The following PHACTR2 variants were observed in gnomAD, a reference collection of about 807,000 sequenced individuals.
PHACTR2 encodes the protein phosphatase and actin regulator 2.
In PHACTR2, 30 loss-of-function variants were observed where a neutral mutation model predicts 76.0. That is an observed-to-expected ratio of 0.39 (90% CI 0.30 to 0.54). PHACTR2 has a LOEUF of 0.54. Among genes scored for constraint, PHACTR2 ranks in the 20% least tolerant of loss-of-function variants. PHACTR2 has a pLI of 0.61. For synonymous variants in PHACTR2, 292 were observed against 292.5 expected (o/e 1.00, Z 0.02); for missense variants, 696 against 781.1 (o/e 0.89, Z 1.30).
chr6:143,673,984 G>A (rs1341608237), upstream of PHACTR2, among the ~76,000 whole-genome samples: 2 of 152,042 alleles, frequency 1.3e-5, no homozygotes, highest in African/African-American at 4.8e-5. Context: ...TGTGGAATGT[G>A]GTCTTCTACT....
At chr6:143,718,655 A>G (rs1470256973) in intron 2 of PHACTR2, among the ~76,000 whole-genome samples, 3 of 152,214 alleles carry the variant, frequency 2.0e-5, no homozygotes, top group African/African-American at 7.2e-5. Context: ...GTTGGCAAGG[A>G]TCAAAGTTAT....
chr6:143,687,765 G>A (rs917385807), intron 1 of PHACTR2, among the ~76,000 whole-genome samples: 1 of 152,160 alleles, frequency 6.6e-6, no homozygotes, highest in South Asian at 2.1e-4. Context: ...GCCAAGGAAG[G>A]ACTGAAGTGC....
chr6:143,729,985 G>A (rs1778664938), intron 2 of PHACTR2, among the ~76,000 whole-genome samples: 7 of 152,048 alleles, frequency 4.6e-5, no homozygotes, highest in Admixed American at 4.6e-4. Context: ...CAACATATAT[G>A]TGGTCTATTT....
At chr6:143,620,226 T>C (rs577766102) in intron 1 of PHACTR2, among the ~76,000 whole-genome samples, 1 of 152,278 alleles carries the variant, frequency 6.6e-6, no homozygotes, top group South Asian at 2.1e-4. Context: ...TGTCAGTCTT[T>C]TTGTCACAGC....
chr6:143,573,651 T>G (rs1268119581), intron 1 of PHACTR2, among the ~76,000 whole-genome samples: 1 of 152,228 alleles, frequency 6.6e-6, no homozygotes, highest in African/African-American at 2.4e-5. Context: ...AACAGATCTT[T>G]TTCTGTGCAT....
intron 1 of PHACTR2, among the ~76,000 whole-genome samples, chr6:143,644,020 G>A (rs576678727): frequency 5.9e-5 from 9 of 152,052 alleles, no homozygotes; most frequent in South Asian, 2.1e-4. Flanking sequence ...TATTTTTCTC[G>A]TTAAAAAAGT....
In PHACTR2 at chr6:143,760,736, G is replaced by A; in HGVS notation, c.694+96G>A. The A allele has an allele frequency of 7.2e-7, 1 of 1,384,906 alleles. No individual in the cohort carries two copies. Among genetic ancestry groups the A allele is most frequent in the South Asian group, 1.4e-5 (1 of 71,590 alleles). The allele number at this position is 1,384,906 out of a possible 1,614,324, so 85.8% of individuals were successfully genotyped here. A position where few individuals can be genotyped will look rare whatever the true frequency, so the allele number is the denominator to read the frequency against. The stretch of plus-strand genomic sequence containing the variant: ...CTTCTAGGTGTGATGGGCTTTTGGT[G>A]TCTTAGGACATTACACCAGCAGGTT... On this transcript the variant is annotated intron_variant, in intron 5 of 12. Transcript: ENST00000440869. The surrounding 1 kb of genome is among the most constrained non-coding windows in gnomAD (Gnocchi z 6.4).
rs12193892 is a variant in PHACTR2 at position 143,641,795 on chromosome 6, C to T, written c.13+33473C>T. Reference sequence around the variant, plus strand: ...TGCTGGGATTACAGGTATGAGCCACCGCACCCAGCCAAATTTCTGTTGTTT... The same window carrying T: ...TGCTGGGATTACAGGTATGAGCCACTGCACCCAGCCAAATTTCTGTTGTTT... On this transcript the variant is annotated intron_variant, in intron 1 of 11. Transcript: ENST00000305766. This position sits in a 1 kb window ranked among gnomAD's most constrained non-coding sequence, Gnocchi z 5.8. 0.17 allele frequency among the ~76,000 whole-genome samples: 26,044 copies of T among 152,058 alleles called. 2,638 individuals carry two copies. Among genetic ancestry groups the T allele is most frequent in the Middle Eastern group, 0.25 (73 of 292 alleles).
In PHACTR2 at chr6:143,749,081, ATACATTT is replaced by A. The variant is rs763185700; in HGVS notation, c.295+19_295+25del. 7.4e-7 allele frequency: 1 copy of A among 1,342,444 alleles called. No homozygotes were observed. 83.2% of individuals were successfully genotyped at this position (1,342,444 alleles called of 1,614,324 possible). ...CCTGATCAAGGTGAGGAAATTAATC[ATACATTT>A]TAAATATTTTGGTCCTTCATTCTTT... On this transcript the variant is annotated intron_variant, in intron 3 of 12. Coordinates refer to ENST00000440869, the MANE Select transcript of PHACTR2 (RefSeq NM_001100164.2).
chr6:143,785,089 A>G (rs1775524014), intron 10 of PHACTR2, among the ~76,000 whole-genome samples: 1 of 152,226 alleles, frequency 6.6e-6, no homozygotes, highest in South Asian at 2.1e-4. Context: ...TCATTTCGGC[A>G]GTATCCCAAA....
chr6:143,718,331 C>A (rs1361969596), intron 2 of PHACTR2, among the ~76,000 whole-genome samples: 1 of 152,188 alleles, frequency 6.6e-6, no homozygotes, highest in Non-Finnish European at 1.5e-5. Flanking sequence ...ACTATTATCC[C>A]AGTTCTACTG....
intron 2 of PHACTR2, among the ~76,000 whole-genome samples, chr6:143,719,222 TGGA>T (rs921159166): frequency 6.7e-6 from 1 of 149,078 alleles, no homozygotes; most frequent in African/African-American, 2.5e-5. Flanking sequence ...CACATCATAT[TGGA>T]GGAAGAGGAA....
chr6:143,626,129 G>T (rs760992386), intron 1 of PHACTR2, among the ~76,000 whole-genome samples: 6 of 152,184 alleles, frequency 3.9e-5, no homozygotes, highest in Non-Finnish European at 8.8e-5. Context: ...CCAGTTCAAA[G>T]AAAGATGCTA....
chr6:143,622,480 C>A (rs1235782952), intron 1 of PHACTR2, among the ~76,000 whole-genome samples: 2 of 152,214 alleles, frequency 1.3e-5, no homozygotes, highest in African/African-American at 4.8e-5. Flanking sequence ...AGTCCTACCC[C>A]AGATGTGGCA....
intron 12 of PHACTR2, among the ~76,000 whole-genome samples, chr6:143,808,389 A>G (rs118125331): frequency 0.32 from 48,148 of 151,688 alleles, 7,902 homozygotes; most frequent in South Asian, 0.47. Flanking sequence ...TCAGCCTCTC[A>G]GAATGCTGGG....
chr6:143,671,581 G>A lies in PHACTR2; in HGVS notation c.14-40435G>A, dbSNP rs1777154438. On this transcript the variant is annotated intron_variant, in intron 1 of 11. Transcript: ENST00000305766. The surrounding 1 kb of genome is among the most constrained non-coding windows in gnomAD (Gnocchi z 4.6). ...AGTTTACTGATTTATTATGTTTACT[G>A]CTTATTTTCTGTCATTCCATTAGAA... 6.6e-6 allele frequency among the ~76,000 whole-genome samples: 1 copy of A among 152,138 alleles called. No homozygotes were observed. Among genetic ancestry groups the A allele is most frequent in the South Asian group, 2.1e-4 (1 of 4,832 alleles).
rs975409351 is a variant in PHACTR2 at position 143,572,190 on chromosome 6, G to A, written c.217+34983G>A. Among the ~76,000 whole-genome samples, 15 of 152,090 alleles carry A rather than the reference G, an allele frequency of 9.9e-5. No homozygotes were observed. The East Asian group carries it at 1.3e-3, about 14-fold the overall frequency. ...TTTGCTAAGAAATTCTTTTGGCCCC[G>A]TGTAAATATCTTCTGCAGTTTAGCT... On this transcript the variant is annotated intron_variant, in intron 1 of 11. Coordinates refer to the PHACTR2 transcript ENST00000367584.
rs1776650665 is a variant in PHACTR2, at chr6:143,830,745, TG to T, written c.*7057del. On this transcript the variant is annotated 3_prime_UTR_variant, in exon 13 of 13. Transcript: ENST00000440869. ...CACAATTCCAAGTGCCTTAGAACAT[TG>T]TTTAGCTTTCCTAAGTATATATAAA... The T allele has an allele frequency of 6.6e-6, 1 of 152,246 alleles. No homozygotes were observed. The highest frequency in any genetic ancestry group is 1.9e-4 in the East Asian group (1 of 5,206). The allele number at this position is 152,246 out of a possible 1,614,324, so 9.4% of individuals were successfully genotyped here.
rs1781169009 is a variant in PHACTR2, at chr6:143,541,248, T to C, written c.217+4041T>C. ...GGTATTAAGGAGCTTTGATAACTTTTTAGTGGTTTCTGATGTGCTGTTCTG... is the reference window on the plus strand; with the variant it reads ...GGTATTAAGGAGCTTTGATAACTTTCTAGTGGTTTCTGATGTGCTGTTCTG... On this transcript the variant is annotated intron_variant, in intron 1 of 11. Transcript: ENST00000367584. The surrounding 1 kb of genome is among the most constrained non-coding windows in gnomAD (Gnocchi z 5.3). 6.6e-6 allele frequency among the ~76,000 whole-genome samples: 1 copy of C among 152,208 alleles called. No individual in the cohort carries two copies. The highest frequency in any genetic ancestry group is 1.5e-5 in the Non-Finnish European group (1 of 68,036).
Sources: gnomAD v4.1 joint callset for allele counts (sites outside exome capture counted in the v4.1 genomes callset) on GRCh38, gnomAD v4.1.1 for gene constraint, Gnocchi (gnomAD v3.1) non-coding constraint, MANE v1.5 for transcripts, NCBI Gene and HGNC (gene_info 2026-07-23, HGNC 2026-07-21) for gene names.